CHSY3: variants seen among roughly 807,000 people sequenced by gnomAD.
CHSY3 encodes the protein N-acetylgalactosaminyl-proteoglycan 3-beta-glucuronosyltransferase 3.
A neutral mutation model predicts 67.2 loss-of-function variants in CHSY3; 35 were observed. The ratio of observed to expected loss-of-function variants is 0.52; its 90% confidence interval spans 0.40 to 0.69. The LOEUF (loss-of-function observed/expected upper bound fraction) is 0.69, where lower values mean the gene tolerates loss of function less well. Among genes scored for constraint, CHSY3 ranks in the 30% least tolerant of loss-of-function variants. The pLI is 0.00. For synonymous variants in CHSY3, 474 were observed against 434.7 expected (o/e 1.09, Z -1.12); for missense variants, 1,069 against 1,138.5 (o/e 0.94, Z 0.88).
At chr5:130,034,084 A>G (rs911426158) in intron 2 of CHSY3, among the ~76,000 whole-genome samples, 3 of 152,164 alleles carry the variant, frequency 2.0e-5, no homozygotes, top group East Asian at 1.9e-4. Context: ...TTTTTACACA[A>G]TAACGTTCCC....
intron 2 of CHSY3, among the ~76,000 whole-genome samples, chr5:129,941,415 A>G (rs1037174890): frequency 6.6e-6 from 1 of 152,000 alleles, no homozygotes; most frequent in Non-Finnish European, 1.5e-5. Context: ...CCATATTATC[A>G]TTTTTTCAAT....
At chr5:130,082,707 C>T (rs1319222575) in intron 2 of CHSY3, among the ~76,000 whole-genome samples, 5 of 151,834 alleles carry the variant, frequency 3.3e-5, no homozygotes. Flanking sequence ...GATAGGAAGG[C>T]ATGTTGGCAT....
intron 2 of CHSY3, among the ~76,000 whole-genome samples, chr5:129,951,795 A>G (rs1191818486): frequency 1.3e-5 from 2 of 152,252 alleles, no homozygotes; most frequent in African/African-American, 4.8e-5. Flanking sequence ...TATGATATCC[A>G]GATATGAATT....
chr5:130,086,531 A>G (rs149747731), intron 2 of CHSY3, among the ~76,000 whole-genome samples: 1,841 of 151,986 alleles, frequency 0.012, 37 homozygotes, highest in African/African-American at 0.042. Flanking sequence ...GTTTCTGAAT[A>G]CAGCACACCA....
intron 2 of CHSY3, among the ~76,000 whole-genome samples, chr5:129,910,969 A>G (rs1194615164): frequency 7.0e-6 from 1 of 143,380 alleles, no homozygotes; most frequent in East Asian, 2.1e-4. Context: ...TGCCTTTCAC[A>G]AATTTTAGGA....
intron 2 of CHSY3, among the ~76,000 whole-genome samples, chr5:130,062,394 A>G (rs1015541979): frequency 1.3e-5 from 2 of 152,074 alleles, no homozygotes; most frequent in Admixed American, 6.6e-5. Flanking sequence ...TGGGGACTCC[A>G]AAAGTGGAGA....
At chr5:130,043,203 T>A (rs1402334306) in intron 2 of CHSY3, among the ~76,000 whole-genome samples, 2 of 152,082 alleles carry the variant, frequency 1.3e-5, no homozygotes, top group Non-Finnish European at 2.9e-5. Flanking sequence ...TGTTTGTTTT[T>A]TTTACTGTGC....
chr5:129,960,487 G>C (rs976901757), intron 2 of CHSY3, among the ~76,000 whole-genome samples: 1 of 151,900 alleles, frequency 6.6e-6, no homozygotes, highest in African/African-American at 2.4e-5. Context: ...ATTTAAAAAA[G>C]ACAACTGTAG....
chr5:130,159,804 A>C (rs1051677473), intron 2 of CHSY3, among the ~76,000 whole-genome samples: 2 of 152,228 alleles, frequency 1.3e-5, no homozygotes, highest in African/African-American at 4.8e-5. Context: ...AGCATCAGTG[A>C]TCACTGTAAA....
At chr5:130,009,230 A>G (rs566036241) in intron 2 of CHSY3, among the ~76,000 whole-genome samples, 1 of 152,314 alleles carries the variant, frequency 6.6e-6, no homozygotes, top group Admixed American at 6.5e-5. Context: ...GGGGCAAATC[A>G]CTTACAAAGT....
intron 2 of CHSY3, among the ~76,000 whole-genome samples, chr5:130,147,476 G>A (rs1255581157): frequency 1.3e-5 from 2 of 152,080 alleles, no homozygotes; most frequent in East Asian, 1.9e-4. Context: ...AGAAAATGAC[G>A]TTCCTTTTAT....
chr5:129,964,842 T>C (rs1221825046), intron 2 of CHSY3, among the ~76,000 whole-genome samples: 2 of 151,982 alleles, frequency 1.3e-5, no homozygotes, highest in East Asian at 3.9e-4. Flanking sequence ...GTAAATCTTC[T>C]CTTTTCCCCC....
chr5:130,183,748 C>T lies in CHSY3; in HGVS notation c.1087-481C>T, dbSNP rs116768855. Among the ~76,000 whole-genome samples, 1,197 of 152,142 alleles carry T rather than the reference C, an allele frequency of 7.9e-3. 19 individuals carry two copies. The highest frequency in any genetic ancestry group is 9.0e-3 in the South Asian group (43 of 4,804). On this transcript the variant is annotated intron_variant, in intron 2 of 2. Transcript: ENST00000305031. ...GAATGTTGGTTACCAGGGGCTAAGCCAGCTGGAGAGAGGGGTTGGGGAGAT... is the reference window on the plus strand; with the variant it reads ...GAATGTTGGTTACCAGGGGCTAAGCTAGCTGGAGAGAGGGGTTGGGGAGAT...
intron 2 of CHSY3, among the ~76,000 whole-genome samples, chr5:129,987,432 C>T (rs955486555): frequency 6.6e-6 from 1 of 152,186 alleles, no homozygotes; most frequent in African/African-American, 2.4e-5. Context: ...ACTTAGGACA[C>T]ATTCTGTGTA....
At chr5:130,083,016 TAAATA>T (rs1055222252) in intron 2 of CHSY3, among the ~76,000 whole-genome samples, 13 of 151,510 alleles carry the variant, frequency 8.6e-5, no homozygotes, top group African/African-American at 2.9e-4. Context: ...AAATATAAAA[TAAATA>T]AAATAAAATA....
chr5:130,170,651 G>C (rs1016210255), intron 2 of CHSY3, among the ~76,000 whole-genome samples: 2 of 151,978 alleles, frequency 1.3e-5, no homozygotes, highest in African/African-American at 4.8e-5. Flanking sequence ...CCAACATGTT[G>C]TTTTTTGACT....
intron 2 of CHSY3, among the ~76,000 whole-genome samples, chr5:130,137,255 C>A (rs1278582125): frequency 1.3e-5 from 2 of 152,158 alleles, no homozygotes; most frequent in Non-Finnish European, 2.9e-5. Context: ...TTAATACAAC[C>A]AAAATACATC....
intron 2 of CHSY3, among the ~76,000 whole-genome samples, chr5:129,932,140 A>ATATATATATGTATG (rs1183646627): frequency 7.3e-6 from 1 of 136,348 alleles, no homozygotes; most frequent in African/African-American, 3.0e-5. Context: ...ATATATATAT[A>ATATATATATGTATG]TATGTATATG....
chr5:129,948,736 C>T (rs947891546), intron 2 of CHSY3, among the ~76,000 whole-genome samples: 2 of 152,140 alleles, frequency 1.3e-5, no homozygotes, highest in African/African-American at 2.4e-5. Context: ...GGTAGTTCTA[C>T]TTTTAGTTCT....
Sources: gnomAD v4.1 joint callset for allele counts (sites outside exome capture counted in the v4.1 genomes callset) on GRCh38, gnomAD v4.1.1 for gene constraint, MANE v1.5 for transcripts, NCBI Gene and HGNC (gene_info 2026-07-23, HGNC 2026-07-21) for gene names.